The following LYRM7 variants were observed in gnomAD, a reference collection of about 807,000 sequenced individuals.
LYRM7 encodes the protein LYR motif containing 7, also known as complex III assembly factor LYRM7.
Under a neutral mutation model 15.8 loss-of-function variants are expected in LYRM7, and 9 were observed. The observed-to-expected ratio is 0.57, with a 90% CI of 0.34 to 0.99. The LOEUF is 0.99. Ranked by LOEUF, LYRM7 falls within the 50% of genes least tolerant of loss-of-function variation. The probability of loss-of-function intolerance (pLI) is 0.02; values close to 1 mark genes in which losing one functional copy is unlikely to be tolerated. For synonymous variants in LYRM7, 39 were observed against 39.4 expected (o/e 0.99, Z 0.04); for missense variants, 115 against 119.1 (o/e 0.97, Z 0.16).
chr5:131,197,541 C>CTTTTTTTTTTTTTTTTT, intron 4 of LYRM7, among the ~76,000 whole-genome samples: 2 of 90,746 alleles, frequency 2.2e-5, no homozygotes, highest in Non-Finnish European at 4.0e-5. Context: ...TGTCTTCTGT[C>CTTTTTTTTTTTTTTTTT]TTTTTTTTTT....
In LYRM7 at chr5:131,180,562, A is replaced by G. The variant is rs550113842; in HGVS notation, c.91+395A>G. On this transcript the variant is annotated intron_variant, in intron 2 of 4. Coordinates refer to ENST00000379380, the MANE Select transcript of LYRM7 (RefSeq NM_181705.4). ...TGTGAAAGAGAATCCATCCCAAATG[A>G]TTCTAAATTCAGTATCTCCCTGTTT... Among the ~76,000 whole-genome samples the G allele has an allele frequency of 4.6e-5, 7 of 152,296 alleles. No individual in the cohort carries two copies. In the South Asian group the frequency reaches 1.4e-3, roughly 32 times the overall value.
chr5:131,189,800 T>G (rs1755856996), intron 4 of LYRM7, among the ~76,000 whole-genome samples: 1 of 152,162 alleles, frequency 6.6e-6, no homozygotes, highest in African/African-American at 2.4e-5. Flanking sequence ...CCAAAGGGCT[T>G]TTAAAGTTAC....
intron 4 of LYRM7, among the ~76,000 whole-genome samples, chr5:131,193,097 G>C (rs558547491): frequency 6.6e-6 from 1 of 151,952 alleles, no homozygotes; most frequent in Admixed American, 6.6e-5. Flanking sequence ...ACTTCTAAAC[G>C]AACGATACAG....
At chr5:131,191,763 G>C (rs1199758306) in intron 4 of LYRM7, among the ~76,000 whole-genome samples, 1 of 151,996 alleles carries the variant, frequency 6.6e-6, no homozygotes, top group Non-Finnish European at 1.5e-5. Flanking sequence ...ACAAGGATGT[G>C]GAGAAAGGAG....
chr5:131,176,979 T>C (rs903217300), intron 1 of LYRM7, among the ~76,000 whole-genome samples: 1 of 152,228 alleles, frequency 6.6e-6, no homozygotes, highest in African/African-American at 2.4e-5. Flanking sequence ...ACAGTTCTAC[T>C]AGCACCTAGT....
At chr5:131,173,568 AC>A (rs1186143005) in intron 1 of LYRM7, among the ~76,000 whole-genome samples, 1 of 152,080 alleles carries the variant, frequency 6.6e-6, no homozygotes, top group Non-Finnish European at 1.5e-5. Context: ...ACGCAGTGAA[AC>A]CCCGTCTCTA....
chr5:131,181,428 TAACATATATATGTATATATATATA>T (rs1561544523), intron 2 of LYRM7, among the ~76,000 whole-genome samples: 1 of 111,446 alleles, frequency 9.0e-6, no homozygotes, highest in Non-Finnish European at 1.6e-5. Context: ...TATATATATA[TAACATATATATGTATATATATATA>T]AAACATATAT....
intron 4 of LYRM7, among the ~76,000 whole-genome samples, chr5:131,194,804 A>G (rs1755938028): frequency 6.6e-6 from 1 of 152,034 alleles, no homozygotes; most frequent in Non-Finnish European, 1.5e-5. Flanking sequence ...GGCTTTGGTC[A>G]TTGTTTCTGG....
chr5:131,171,296 A>G (rs1220695501), intron 1 of LYRM7, among the ~76,000 whole-genome samples: 1 of 152,108 alleles, frequency 6.6e-6, no homozygotes, highest in Non-Finnish European at 1.5e-5. Context: ...CCATGATACA[A>G]ATCTGCGACT....
At chr5:131,174,677 T>C (rs571121219) in intron 1 of LYRM7, among the ~76,000 whole-genome samples, 80 of 152,156 alleles carry the variant, frequency 5.3e-4, no homozygotes, top group Middle Eastern at 3.4e-3. Flanking sequence ...AAAACCTGTC[T>C]CTACAAAAAG....
intron 4 of LYRM7, among the ~76,000 whole-genome samples, chr5:131,196,813 A>G (rs992905485): frequency 1.3e-5 from 2 of 151,732 alleles, no homozygotes; most frequent in African/African-American, 4.8e-5. Context: ...GCCTGCCACC[A>G]CGCCCAGCTA....
intron 3 of LYRM7, among the ~76,000 whole-genome samples, chr5:131,184,061 C>G (rs893131816): frequency 9.2e-5 from 14 of 151,908 alleles, no homozygotes; most frequent in Admixed American, 7.9e-4. Flanking sequence ...ACCTCCACCT[C>G]TGGGTTCAAG....
intron 2 of LYRM7, among the ~76,000 whole-genome samples, chr5:131,181,414 T>TG (rs1321848649): frequency 8.5e-6 from 1 of 117,224 alleles, no homozygotes; most frequent in Non-Finnish European, 1.6e-5. Flanking sequence ...TACATATATA[T>TG]GTTTATATAT....
At chr5:131,174,839 G>A (rs921055823) in intron 1 of LYRM7, among the ~76,000 whole-genome samples, 2 of 151,902 alleles carry the variant, frequency 1.3e-5, no homozygotes, top group African/African-American at 2.4e-5. Flanking sequence ...ACAAGGCCCT[G>A]TCTCAAAAAA....
chr5:131,175,424 C>T (rs1755586450), intron 1 of LYRM7, among the ~76,000 whole-genome samples: 1 of 151,916 alleles, frequency 6.6e-6, no homozygotes, highest in African/African-American at 2.4e-5. Flanking sequence ...GTCTCAAACT[C>T]CTGACCTCAG....
At chr5:131,183,413 T>G (rs1462352472) in intron 3 of LYRM7, among the ~76,000 whole-genome samples, 2 of 152,222 alleles carry the variant, frequency 1.3e-5, no homozygotes, top group Non-Finnish European at 2.9e-5. Context: ...TTCAGTAGAC[T>G]AATTCATAAC....
chr5:131,174,581 T>C (rs988431314), intron 1 of LYRM7, among the ~76,000 whole-genome samples: 1 of 152,326 alleles, frequency 6.6e-6, no homozygotes, highest in East Asian at 1.9e-4. Context: ...GAAGTCTGGC[T>C]CACACCTCTA....
rs550237742 is a variant in LYRM7, at chr5:131,200,444, A to G, written c.*843A>G. ...CCTTGACAAGATGGGCAGTATCACA[A>G]AAGGTCCTGGCATTCTACCATCTAA... On this transcript the variant is annotated 3_prime_UTR_variant, in exon 5 of 5. Coordinates refer to ENST00000379380, the MANE Select transcript of LYRM7 (RefSeq NM_181705.4). 6.6e-6 allele frequency: 1 copy of G among 152,480 alleles called. No homozygotes were observed. Among genetic ancestry groups the G allele is most frequent in the South Asian group, 2.1e-4 (1 of 4,830 alleles). 9.4% of individuals were successfully genotyped at this position (152,480 alleles called of 1,614,324 possible).
chr5:131,184,264 G>A (rs1273103648), intron 3 of LYRM7, among the ~76,000 whole-genome samples: 8 of 152,192 alleles, frequency 5.3e-5, no homozygotes, highest in Non-Finnish European at 2.9e-5. Flanking sequence ...ACTGTGCCCA[G>A]CCCCCTGCAA....
Sources: gnomAD v4.1 joint callset for allele counts (sites outside exome capture counted in the v4.1 genomes callset) on GRCh38, gnomAD v4.1.1 for gene constraint, MANE v1.5 for transcripts, NCBI Gene and HGNC (gene_info 2026-07-23, HGNC 2026-07-21) for gene names.